The following COL6A6 variants were observed in gnomAD, a reference collection of about 807,000 sequenced individuals.
COL6A6 encodes collagen alpha-6(VI) chain.
COL6A6 carries 183 observed loss-of-function variants against 208.6 expected under a neutral mutation model. The ratio of observed to expected loss-of-function variants is 0.88; its 90% CI spans 0.78 to 0.99. The LOEUF is 0.99. COL6A6 is among the 50% of genes least tolerant of loss of function. COL6A6 has a pLI of 0.00. For missense variants in COL6A6, 2,816 were observed against 2,815.2 expected, an observed-to-expected ratio of 1.00 and a Z score of -0.01; for synonymous variants, 973 against 1,011.8, an observed-to-expected ratio of 0.96 and a Z score of 0.73.
intron 33 of COL6A6, among the ~76,000 whole-genome samples, chr3:130,656,886 C>A (rs986761551): frequency 1.3e-5 from 2 of 152,260 alleles, no homozygotes; most frequent in Admixed American, 1.3e-4. Context: ...TGCCTGGGCT[C>A]AGCCTCAACT....
intron 5 of COL6A6, 150 bp downstream of exon 5, chr3:130,567,412 A>G (rs1159960210): frequency 7.6e-6 from 5 of 656,074 alleles, no homozygotes; most frequent in Non-Finnish European, 1.3e-5. Flanking sequence ...CAAAGCTAAG[A>G]GCCCATTATA....
intron 32 of COL6A6, among the ~76,000 whole-genome samples, chr3:130,648,306 A>C (rs775915020): frequency 2.0e-5 from 3 of 152,242 alleles, no homozygotes; most frequent in Non-Finnish European, 4.4e-5. Context: ...TATTTCTCAC[A>C]ATGAAAAAGT....
At chr3:130,599,624 T>C in intron 19 of COL6A6, 133 bp from the exon 20 acceptor site, 2 of 820,632 alleles carry the variant, frequency 2.4e-6, no homozygotes, top group Non-Finnish European at 4.0e-6. Flanking sequence ...TTCATGCCAT[T>C]TTCCAAAGGA....
Position 130,626,523 on chromosome 3 carries a change from C to T in COL6A6, c.4917C>T (p.Gly1639=). ...ATCTGGGAGAAAAAGGAGCTGTTGG[C>T]TTTCCTGGTCCTCGTGGCTTGCAGG... ...PGDLGEKGAV[G]FPGPRGLQGN... The change falls in exon 25 of 37, where the codon GGC becomes GGT. Residue 1639 remains glycine, a synonymous_variant. Coordinates refer to ENST00000358511, the MANE Select transcript of COL6A6 (RefSeq NM_001102608.3). 6.2e-7 allele frequency: 1 copy of T among 1,613,324 alleles called. No individual in the cohort carries two copies. The highest frequency in any genetic ancestry group is 8.5e-7 in the Non-Finnish European group (1 of 1,179,278).
chr3:130,525,467 A>T (rs1249925639), intron 1 of COL6A6, among the ~76,000 whole-genome samples: 1 of 152,210 alleles, frequency 6.6e-6, no homozygotes, highest in Non-Finnish European at 1.5e-5. Context: ...TCAAAAGTCC[A>T]TTCTCCTTTT....
At chr3:130,565,682 A>G in intron 4 of COL6A6, 68 bp downstream of exon 4, 1 of 1,479,704 alleles carries the variant, frequency 6.8e-7, no homozygotes, top group Non-Finnish European at 9.0e-7. Context: ...TATTCTGTAT[A>G]CAAAGTGGAT....
At chr3:130,542,896 C>CTTTTTTTTTTTTTT (rs1559967605) in intron 1 of COL6A6, among the ~76,000 whole-genome samples, 1 of 119,712 alleles carries the variant, frequency 8.4e-6, no homozygotes. Context: ...CATCCATTCA[C>CTTTTTTTTTTTTTT]TCTTTTTTTT....
chr3:130,622,634 G>A (rs1303313384), intron 24 of COL6A6, among the ~76,000 whole-genome samples: 2 of 151,906 alleles, frequency 1.3e-5, no homozygotes, highest in African/African-American at 4.8e-5. Context: ...GAGGTGGGCA[G>A]ATCACGAGGT....
chr3:130,577,605 G>A (rs920656145), intron 8 of COL6A6, among the ~76,000 whole-genome samples: 4 of 152,198 alleles, frequency 2.6e-5, no homozygotes, highest in Non-Finnish European at 5.9e-5. Flanking sequence ...ACCAGGAAGT[G>A]GTAGAATAAG....
Position 130,610,666 on chromosome 3 carries a change from T to G in COL6A6, c.4770T>G (p.Ala1590=). Residue 1590 remains alanine, a synonymous_variant, in exon 23 of 37, where the codon GCT becomes GCG. Coordinates refer to ENST00000358511, the MANE Select transcript of COL6A6 (RefSeq NM_001102608.3). ...LKGPQGPRGE[A]GVKGEKGGVG... is the part of the protein sequence containing the mutation. ...GTACTTAGGGCCCAAGAGGAGAGGC[T>G]GGTGTGAAAGGAGAAAAAGGAGGTG... 6.3e-7 allele frequency: 1 copy of G among 1,591,342 alleles called. No homozygotes were observed. The highest frequency in any genetic ancestry group is 1.2e-5 in the South Asian group (1 of 86,790).
At chr3:130,564,854 C>T in intron 3 of COL6A6, 140 bp from the exon 4 acceptor site, 1 of 972,182 alleles carries the variant, frequency 1.0e-6, no homozygotes, top group South Asian at 1.7e-5. Context: ...TCTCTTTAAC[C>T]TCAACTTCAT....
intron 20 of COL6A6, among the ~76,000 whole-genome samples, chr3:130,600,036 G>C (rs2063967067): frequency 6.6e-6 from 1 of 152,198 alleles, no homozygotes; most frequent in Non-Finnish European, 1.5e-5. Context: ...TCAGGAGAGA[G>C]AGCTGGGCAA....
At chr3:130,604,606 A>G (rs2064129568) in intron 20 of COL6A6, among the ~76,000 whole-genome samples, 2 of 152,162 alleles carry the variant, frequency 1.3e-5, no homozygotes, top group African/African-American at 2.4e-5. Context: ...TTTCTCATCC[A>G]TTAGGCTTAT....
intron 8 of COL6A6, among the ~76,000 whole-genome samples, chr3:130,576,940 A>G (rs2063312602): frequency 6.6e-6 from 1 of 152,190 alleles, no homozygotes; most frequent in Non-Finnish European, 1.5e-5. Flanking sequence ...AATATGCATA[A>G]CTTTGGAGAT....
chr3:130,573,948 C>G lies in COL6A6; in HGVS notation c.2978-8C>G. 6.3e-7 allele frequency: 1 copy of G among 1,577,554 alleles called. No homozygotes were observed. Among genetic ancestry groups the G allele is most frequent in the Non-Finnish European group, 8.7e-7 (1 of 1,148,352 alleles). ...TGGGTTTTCTGTTGTTCCTTCTCTT[C>G]TTTGTAGATTGTGAAATTGACAAAG... On this transcript the variant is annotated splice_polypyrimidine_tract_variant and splice_region_variant and intron_variant, in intron 7 of 36. Coordinates refer to ENST00000358511, the MANE Select transcript of COL6A6 (RefSeq NM_001102608.3).
chr3:130,646,112 T>C (rs1305154147), intron 32 of COL6A6, among the ~76,000 whole-genome samples: 1 of 152,132 alleles, frequency 6.6e-6, no homozygotes, highest in Non-Finnish European at 1.5e-5. Flanking sequence ...ACCTGCACAT[T>C]GTGCACATGT....
intron 36 of COL6A6, among the ~76,000 whole-genome samples, chr3:130,671,072 C>T (rs1485287524): frequency 6.6e-6 from 1 of 152,104 alleles, no homozygotes; most frequent in East Asian, 1.9e-4. Flanking sequence ...GCTGGCCACA[C>T]ACCAAGTAAA....
intron 7 of COL6A6, among the ~76,000 whole-genome samples, chr3:130,573,289 T>A (rs1186786610): frequency 6.6e-6 from 1 of 152,222 alleles, no homozygotes; most frequent in Admixed American, 6.5e-5. Flanking sequence ...GTGCTACTAT[T>A]GTCACCGGGC....
chr3:130,598,489 G>A, intron 19 of COL6A6, 59 bp downstream of exon 19: 2 of 1,198,936 alleles, frequency 1.7e-6, no homozygotes, highest in South Asian at 2.7e-5. Flanking sequence ...AGTTCTTGTT[G>A]GTAGAATGTG....
Sources: gnomAD v4.1 joint callset for allele counts (sites outside exome capture counted in the v4.1 genomes callset) on GRCh38, gnomAD v4.1.1 for gene constraint, MANE v1.5 for transcripts, NCBI Gene and HGNC (gene_info 2026-07-23, HGNC 2026-07-21) for gene names.